The following PCBP3 variants were observed in gnomAD, a reference collection of about 807,000 sequenced individuals.
PCBP3 encodes the protein poly(rC)-binding protein 3.
A neutral mutation model predicts 52.7 loss-of-function variants in PCBP3; 25 were observed. That is an observed-to-expected ratio of 0.47 (90% confidence interval 0.35 to 0.66). PCBP3 has a LOEUF of 0.66. Ranked by LOEUF, PCBP3 falls within the 30% of genes least tolerant of loss-of-function variation. The probability of loss-of-function intolerance (pLI) is 0.01; values close to 1 mark genes in which losing one functional copy is unlikely to be tolerated. For synonymous variants in PCBP3, 162 were observed against 183.0 expected (o/e 0.89, Z 0.93); for missense variants, 391 against 490.3 (o/e 0.80, Z 1.91).
intron 13 of PCBP3, chr21:45,919,218 T>C (rs2074051812): frequency 6.6e-6 from 1 of 152,264 alleles, no homozygotes; most frequent in Admixed American, 6.5e-5. Context: ...TTCTCTTCTC[T>C]AAACCATTTT....
chr21:45,702,599 A>G (rs1295711192), intron 2 of PCBP3, among the ~76,000 whole-genome samples: 2 of 152,244 alleles, frequency 1.3e-5, no homozygotes, highest in Admixed American at 1.3e-4. Context: ...TTGCTAAAAA[A>G]TGCTAATAAT....
At chr21:45,923,810 C>T (rs1297270879) in intron 13 of PCBP3, among the ~76,000 whole-genome samples, 6 of 151,530 alleles carry the variant, frequency 4.0e-5, no homozygotes, top group South Asian at 2.1e-4. Context: ...CACGTAAGAT[C>T]GGGTGTGCAC....
At position 45,917,726 on chromosome 21, in the gene PCBP3, C is replaced by T; in HGVS notation, c.717+97C>T. On this transcript the variant is annotated intron_variant, in intron 13 of 17. Coordinates refer to ENST00000681687, the MANE Select transcript of PCBP3 (RefSeq NM_001384156.1). The surrounding 1 kb of genome is among the most constrained non-coding windows in gnomAD (Gnocchi z 5.3). Reference sequence around the variant, plus strand: ...AATTGCTACTAACATTAATATTACACAATAATATTAATCAACTTCTCAGCG... The same window carrying T: ...AATTGCTACTAACATTAATATTACATAATAATATTAATCAACTTCTCAGCG... 2 of 959,412 alleles carry T rather than the reference C, an allele frequency of 2.1e-6. No individual in the cohort carries two copies. The highest frequency in any genetic ancestry group is 3.4e-6 in the Non-Finnish European group (2 of 584,950). The allele number at this position is 959,412 out of a possible 1,614,324, so 59.4% of individuals were successfully genotyped here.
At position 45,791,809 on chromosome 21, in the gene PCBP3, G is replaced by A. The variant is rs2091603275; in HGVS notation, c.-126+36357G>A. On this transcript the variant is annotated intron_variant, in intron 4 of 17. Transcript: ENST00000681687. The surrounding 1 kb of genome is among the most constrained non-coding windows in gnomAD (Gnocchi z 4.2). ...GCACAGGGTAATTACAGACAACAGA[G>A]AAATTGCAGGGTAAGGCTTAAATAA... is the stretch of plus-strand genomic sequence containing the variant. Among the ~76,000 whole-genome samples the A allele has an allele frequency of 6.6e-6, 1 of 152,246 alleles. No individual in the cohort carries two copies. Among genetic ancestry groups the A allele is most frequent in the East Asian group, 1.9e-4 (1 of 5,196 alleles).
intron 1 of PCBP3, among the ~76,000 whole-genome samples, chr21:45,667,336 C>G (rs1396351222): frequency 6.6e-6 from 1 of 151,866 alleles, no homozygotes; most frequent in Non-Finnish European, 1.5e-5. Flanking sequence ...TGGTTTCCCA[C>G]AGGGCTCTGA....
chr21:45,674,851 G>C (rs895372546), intron 2 of PCBP3, among the ~76,000 whole-genome samples: 4 of 152,002 alleles, frequency 2.6e-5, no homozygotes, highest in African/African-American at 9.7e-5. Flanking sequence ...TCTTCTCCTC[G>C]GCTCCTGGAA....
chr21:45,768,876 C>T (rs995139296), intron 4 of PCBP3, among the ~76,000 whole-genome samples: 1 of 152,332 alleles, frequency 6.6e-6, no homozygotes, highest in Admixed American at 6.5e-5. Context: ...CTCGTCTCCA[C>T]GACAGGCACC....
chr21:45,887,609 T>C (rs758789497), intron 5 of PCBP3, among the ~76,000 whole-genome samples: 1 of 152,244 alleles, frequency 6.6e-6, no homozygotes, highest in Non-Finnish European at 1.5e-5. Context: ...TCCCCAGCTG[T>C]GCACACGTTG....
chr21:45,712,709 T>A (rs912192351), intron 2 of PCBP3, among the ~76,000 whole-genome samples: 14 of 151,860 alleles, frequency 9.2e-5, no homozygotes, highest in African/African-American at 3.4e-4. Flanking sequence ...TCATTTTTTT[T>A]TTTTTCCTAT....
intron 9 of PCBP3, among the ~76,000 whole-genome samples, chr21:45,903,092 G>A (rs1016635964): frequency 6.6e-6 from 1 of 152,170 alleles, no homozygotes; most frequent in African/African-American, 2.4e-5. Context: ...CCATTCCTAA[G>A]ATGTCTGAGG....
intron 17 of PCBP3, among the ~76,000 whole-genome samples, chr21:45,940,985 C>T (rs971575254): frequency 5.9e-5 from 9 of 152,212 alleles, no homozygotes; most frequent in African/African-American, 2.2e-4. Flanking sequence ...CACAGCCCTG[C>T]GTGGGCCCTG....
chr21:45,909,788 G>A (rs1288174997), intron 10 of PCBP3, among the ~76,000 whole-genome samples: 1 of 22,120 alleles, frequency 4.5e-5, no homozygotes, highest in African/African-American at 1.9e-4. Context: ...GCCCAGATAC[G>A]GACCCCCCCC....
At chr21:45,755,561 T>C (rs935927326) in intron 4 of PCBP3, among the ~76,000 whole-genome samples, 109 bp downstream of exon 4, 4 of 152,224 alleles carry the variant, frequency 2.6e-5, no homozygotes, top group African/African-American at 9.6e-5. Context: ...TTCCTGTTGC[T>C]TGTGAAATAA....
chr21:45,871,950 C>T (rs1483107887), intron 5 of PCBP3: 1 of 152,234 alleles, frequency 6.6e-6, no homozygotes, highest in Non-Finnish European at 1.5e-5. Flanking sequence ...GCAGAGGCCT[C>T]CGTCCCCCCA....
chr21:45,875,154 C>G (rs918879712), intron 5 of PCBP3, among the ~76,000 whole-genome samples: 1 of 152,190 alleles, frequency 6.6e-6, no homozygotes, highest in Non-Finnish European at 1.5e-5. Flanking sequence ...GGGGGCCCCT[C>G]CATGTTGCGC....
intron 4 of PCBP3, among the ~76,000 whole-genome samples, chr21:45,785,508 G>GTGA (rs2091069215): frequency 1.3e-5 from 1 of 74,648 alleles, no homozygotes. Flanking sequence ...CGTCCGGGAG[G>GTGA]GGGGGGGGTC....
chr21:45,872,218 G>C (rs2095057017), intron 5 of PCBP3: 1 of 152,220 alleles, frequency 6.6e-6, no homozygotes, highest in African/African-American at 2.4e-5. Flanking sequence ...CCATAGCCAG[G>C]TGGGCTTTAT....
At chr21:45,680,243 A>G (rs2081754628) in intron 2 of PCBP3, among the ~76,000 whole-genome samples, 1 of 152,188 alleles carries the variant, frequency 6.6e-6, no homozygotes, top group Admixed American at 6.5e-5. Context: ...CAACTTCTCT[A>G]TATATACACA....
At chr21:45,681,862 G>A (rs2081871622) in intron 2 of PCBP3, among the ~76,000 whole-genome samples, 1 of 151,944 alleles carries the variant, frequency 6.6e-6, no homozygotes, top group Admixed American at 6.6e-5. Flanking sequence ...TCAGAGGAAG[G>A]AATCAGTGAA....
Sources: gnomAD v4.1 joint callset for allele counts (sites outside exome capture counted in the v4.1 genomes callset) on GRCh38, gnomAD v4.1.1 for gene constraint, Gnocchi (gnomAD v3.1) non-coding constraint, MANE v1.5 for transcripts, NCBI Gene and HGNC (gene_info 2026-07-23, HGNC 2026-07-21) for gene names.